The following ANO7 variants were observed in gnomAD, a reference collection of about 807,000 sequenced individuals.
The protein encoded by ANO7 is anoctamin 7, also known as anoctamin-7.
In ANO7, 114 loss-of-function variants were observed where a neutral mutation model predicts 115.8. That is an observed-to-expected ratio of 0.98 (90% CI 0.85 to 1.15). The LOEUF (loss-of-function observed/expected upper bound fraction) is 1.15. Ranked by LOEUF, ANO7 falls within the 50% of genes most tolerant of loss-of-function variation. The probability of loss-of-function intolerance (pLI) is 0.00; values close to 1 mark genes in which losing one functional copy is unlikely to be tolerated. For synonymous variants in ANO7, 550 were observed against 498.2 expected (o/e 1.10, Z -1.38); for missense variants, 1,302 against 1,201.2 (o/e 1.08, Z -1.24).
intron 6 of ANO7, among the ~76,000 whole-genome samples, chr2:241,200,428 G>A (rs538228222): frequency 1.5e-4 from 23 of 152,376 alleles, no homozygotes; most frequent in African/African-American, 5.3e-4. Flanking sequence ...TTGTGCTGCA[G>A]GACAGATAAC....
intron 13 of ANO7, 127 bp from the exon 14 acceptor site, chr2:241,210,168 G>A (rs900966457): frequency 2.9e-5 from 25 of 872,724 alleles, no homozygotes; most frequent in Non-Finnish European, 4.1e-5. Context: ...TGGAGGCAGG[G>A]GCCTTCCTAG....
At position 241,190,041 on chromosome 2, in the gene ANO7, G is replaced by A; in HGVS notation, c.-7-16G>A. The A allele has an allele frequency of 1.3e-6, 2 of 1,556,754 alleles. No individual in the cohort carries two copies. The highest frequency in any genetic ancestry group is 1.7e-6 in the Non-Finnish European group (2 of 1,150,126). On this transcript the variant is annotated splice_polypyrimidine_tract_variant and intron_variant, in intron 1 of 24. Coordinates refer to ENST00000674324, the MANE Select transcript of ANO7 (RefSeq NM_001370694.2). ...CCTCTCTGACCCCCATCCCCACCCG[G>A]CCTTGCTGGGTGCAGGAGCAGGATG...
chr2:241,235,321 T>C, the ANO7 span: 1 of 1,606,654 alleles, frequency 6.2e-7, no homozygotes, highest in Non-Finnish European at 8.5e-7. Context: ...CCATTGGCCC[T>C]GGGACCCAGA....
intron 9 of ANO7, 66 bp from the exon 10 acceptor site, chr2:241,204,799 C>T: frequency 4.8e-6 from 6 of 1,244,156 alleles, no homozygotes; most frequent in Non-Finnish European, 4.7e-6. Context: ...CATGGCTGTG[C>T]AGACCCCTAC....
chr2:241,218,355 C>A lies in ANO7; in HGVS notation c.2295C>A (p.Phe765Leu). 2.0e-6 allele frequency: 3 copies of A among 1,473,306 alleles called. No individual in the cohort carries two copies. The highest frequency in any genetic ancestry group is 2.7e-6 in the Non-Finnish European group (3 of 1,115,394). 91.3% of individuals were successfully genotyped at this position (1,473,306 alleles called of 1,614,324 possible). ...CGCTGGCGCGAGCCCCGTCCTCCTTCGCCGCCGCGCACAACCGCACGTGCA... is the reference window on the plus strand; with the variant it reads ...CGCTGGCGCGAGCCCCGTCCTCCTTAGCCGCCGCGCACAACCGCACGTGCA... Reference protein sequence around the residue: ...NFTLARAPSSFAAAHNRTCRY... With the variant: ...NFTLARAPSSLAAAHNRTCRY... Residue 765 changes from phenylalanine to leucine, a missense_variant, in exon 21 of 25, where the codon TTC (phenylalanine) becomes TTA (leucine). Physicochemically the swap from Phe to Leu is conservative, Grantham distance 22. Transcript: ENST00000674324.
chr2:241,208,768 G>A (rs1454642426), intron 11 of ANO7, among the ~76,000 whole-genome samples: 4 of 152,256 alleles, frequency 2.6e-5, no homozygotes, highest in East Asian at 1.9e-4. Flanking sequence ...GTCCCAAATC[G>A]CATCCTCAAA....
At chr2:241,236,312 T>C in the ANO7 span, 5 of 392,328 alleles carry the variant, frequency 1.3e-5, no homozygotes, top group East Asian at 4.7e-5. Flanking sequence ...GTCACATTCA[T>C]CCCCCTGCAG....
Position 241,225,262 on chromosome 2 carries a change from A to G in ANO7, c.*1109A>G, listed in dbSNP as rs1025245863. ...GGTTTTTAGCTGAGCGTGGTGGCTC[A>G]CACCTGTAATCCCAGGACTTTGGGA... On this transcript the variant is annotated 3_prime_UTR_variant, in exon 25 of 25. Coordinates refer to ENST00000674324, the MANE Select transcript of ANO7 (RefSeq NM_001370694.2). The G allele has an allele frequency of 6.6e-6, 1 of 152,224 alleles. No homozygotes were observed. Among genetic ancestry groups the G allele is most frequent in the African/African-American group, 2.4e-5 (1 of 41,430 alleles). The allele number at this position is 152,224 out of a possible 1,614,324, so 9.4% of individuals were successfully genotyped here.
At chr2:241,236,523 G>T in the ANO7 span, 1 of 1,333,312 alleles carries the variant, frequency 7.5e-7, no homozygotes, top group Non-Finnish European at 1.1e-6. Context: ...TGCCGCTTGG[G>T]CAACCGTCCA....
chr2:241,213,347 C>T (rs1460509648), intron 17 of ANO7, among the ~76,000 whole-genome samples: 1 of 152,268 alleles, frequency 6.6e-6, no homozygotes, highest in Non-Finnish European at 1.5e-5. Context: ...GTGGGCTCTG[C>T]CTGTGACTGT....
At chr2:241,224,043 T>C in intron 24 of ANO7, 54 bp from the exon 25 acceptor site, 2 of 1,612,860 alleles carry the variant, frequency 1.2e-6, no homozygotes, top group Admixed American at 3.3e-5. Context: ...CTCGTGGCCA[T>C]GGCCTGCTCC....
chr2:241,226,911 C>T (rs905729634), downstream of ANO7, among the ~76,000 whole-genome samples: 1 of 152,198 alleles, frequency 6.6e-6, no homozygotes, highest in African/African-American at 2.4e-5. Context: ...CCGCCCGCAC[C>T]CCCCACCACC....
chr2:241,196,382 C>CAG (rs1293585644), intron 4 of ANO7, among the ~76,000 whole-genome samples: 3 of 152,278 alleles, frequency 2.0e-5, no homozygotes, highest in Admixed American at 6.5e-5. Flanking sequence ...GATTGGGGTG[C>CAG]AGAGCCCAGC....
chr2:241,236,375 C>A, the ANO7 span: 1 of 552,706 alleles, frequency 1.8e-6, no homozygotes, highest in South Asian at 2.2e-5. Flanking sequence ...AGGCCGGATC[C>A]CATGCAGCTG....
rs755849036 is a variant in ANO7, at chr2:241,218,319, C to T, written c.2259C>T (p.Phe753=). The change falls in exon 21 of 25, where the codon TTC becomes TTT. Residue 753 remains phenylalanine (F), a synonymous_variant. Coordinates refer to ENST00000674324, the MANE Select transcript of ANO7 (RefSeq NM_001370694.2). ...RWTRAHDLRG[F]LNFTLARAPS... ...CCCGCGCCCACGACCTGCGCGGCTT[C>T]CTCAACTTCACGCTGGCGCGAGCCC... is the stretch of plus-strand genomic sequence containing the variant. 1.6e-5 allele frequency: 25 copies of T among 1,525,982 alleles called. No individual in the cohort carries two copies. The highest frequency in any genetic ancestry group is 3.8e-4 in the Middle Eastern group (2 of 5,290). The allele number at this position is 1,525,982 out of a possible 1,614,324, so 94.5% of individuals were successfully genotyped here.
In ANO7 at chr2:241,214,852, C is replaced by T. The variant is rs1161740581; in HGVS notation, c.1776C>T (p.Val592=). The stretch of plus-strand genomic sequence containing the variant: ...TCGAGCTGGCACAGGAGCTCCTGGT[C>T]ATCATGGTGGGCAAGCAGGTCATCA... ...CLIELAQELL[V]IMVGKQVINN... Residue 592 remains valine (V), a synonymous_variant, in exon 18 of 25, where the codon GTC becomes GTT. Coordinates refer to ENST00000674324, the MANE Select transcript of ANO7 (RefSeq NM_001370694.2). 4 of 1,612,734 alleles carry T rather than the reference C, an allele frequency of 2.5e-6. No individual in the cohort carries two copies. Among genetic ancestry groups the T allele is most frequent in the Non-Finnish European group, 3.4e-6 (4 of 1,179,954 alleles).
In ANO7 at chr2:241,217,826, G is replaced by C; in HGVS notation, c.2113G>C (p.Ala705Pro). ...CEYRRPVAER[A>P]QDIGIWFHIL... is the part of the protein sequence containing the mutation. ...GTACCGGCGCCCGGTGGCCGAGCGC[G>C]CCCAGGACATCGGCATCTGGTTCCA... Residue 705 changes from alanine (A) to proline (P), a missense_variant, in exon 20 of 25, where the codon GCC (alanine) becomes CCC (proline). Coordinates refer to ENST00000674324, the MANE Select transcript of ANO7 (RefSeq NM_001370694.2). 1 of 1,608,592 alleles carries C rather than the reference G, an allele frequency of 6.2e-7. No homozygotes were observed. Among genetic ancestry groups the C allele is most frequent in the Non-Finnish European group, 8.5e-7 (1 of 1,178,454 alleles).
chr2:241,220,324 G>A (rs971967221), intron 21 of ANO7, among the ~76,000 whole-genome samples: 7 of 152,156 alleles, frequency 4.6e-5, no homozygotes, highest in South Asian at 2.1e-4. Flanking sequence ...AGTATAGGTC[G>A]AGTTATTTTC....
intron 21 of ANO7, 47 bp downstream of exon 21, chr2:241,218,428 G>C: frequency 7.9e-7 from 1 of 1,267,812 alleles, no homozygotes; most frequent in Non-Finnish European, 1.0e-6. Context: ...ACGAGGACGA[G>C]GCGGAGCGGG....
Sources: gnomAD v4.1 joint callset for allele counts (sites outside exome capture counted in the v4.1 genomes callset) on GRCh38, gnomAD v4.1.1 for gene constraint, MANE v1.5 for transcripts, NCBI Gene and HGNC (gene_info 2026-07-23, HGNC 2026-07-21) for gene names.